The following SPAG16 variants were observed in gnomAD, a reference collection of about 807,000 sequenced individuals.
SPAG16 encodes sperm associated antigen 16, also known as sperm-associated antigen 16 protein.
Under a neutral mutation model 80.4 loss-of-function variants are expected in SPAG16, and 86 were observed. That is an observed-to-expected ratio of 1.07 (90% confidence interval 0.90 to 1.28). The LOEUF is 1.28. SPAG16 is among the 50% of genes most tolerant of loss of function. The pLI, the probability that SPAG16 is intolerant of heterozygous loss-of-function variation, is 0.00. For synonymous variants in SPAG16, 294 were observed against 265.9 expected (o/e 1.11, Z -1.03); for missense variants, 870 against 765.3 (o/e 1.14, Z -1.61).
intron 10 of SPAG16, among the ~76,000 whole-genome samples, chr2:213,578,525 G>A (rs1322940777): frequency 1.3e-5 from 2 of 152,034 alleles, no homozygotes; most frequent in South Asian, 2.1e-4. Flanking sequence ...TAAGCATCTC[G>A]TGAACAATAT....
intron 12 of SPAG16, among the ~76,000 whole-genome samples, chr2:213,947,605 T>C (rs2079532676): frequency 6.6e-6 from 1 of 152,124 alleles, no homozygotes; most frequent in African/African-American, 2.4e-5. Context: ...GTTTGTCCTT[T>C]AGGTCAAGGA....
chr2:214,109,262 G>A (rs2053551018), intron 14 of SPAG16, among the ~76,000 whole-genome samples: 1 of 152,132 alleles, frequency 6.6e-6, no homozygotes, highest in Admixed American at 6.6e-5. Flanking sequence ...CAGTTGCCAC[G>A]TGAATTAAGG....
chr2:213,913,707 G>T (rs1346265049), intron 11 of SPAG16, among the ~76,000 whole-genome samples: 2 of 151,412 alleles, frequency 1.3e-5, no homozygotes, highest in East Asian at 1.9e-4. Context: ...ATGTGTGTAT[G>T]CATATATATA....
At chr2:213,964,896 TTTAA>T (rs2044629342) in intron 12 of SPAG16, among the ~76,000 whole-genome samples, 1 of 151,764 alleles carries the variant, frequency 6.6e-6, no homozygotes, top group African/African-American at 2.4e-5. Flanking sequence ...CATACCTTTG[TTTAA>T]TTATTTAAGT....
At chr2:213,784,958 T>C (rs2070244741) in intron 10 of SPAG16, among the ~76,000 whole-genome samples, 1 of 152,182 alleles carries the variant, frequency 6.6e-6, no homozygotes, top group Non-Finnish European at 1.5e-5. Flanking sequence ...GATTAGTTCC[T>C]ATTCATCCTA....
intron 9 of SPAG16, among the ~76,000 whole-genome samples, chr2:213,414,694 T>C (rs2069157003): frequency 6.6e-6 from 1 of 152,254 alleles, no homozygotes; most frequent in African/African-American, 2.4e-5. Context: ...CTTTAATCAC[T>C]GTGCCTTCAA....
At chr2:213,748,432 C>T (rs2067931284) in intron 10 of SPAG16, among the ~76,000 whole-genome samples, 1 of 151,138 alleles carries the variant, frequency 6.6e-6, no homozygotes, top group African/African-American at 2.4e-5. Flanking sequence ...ATGTTCTTTT[C>T]CAAGTCTATA....
chr2:213,999,793 T>C (rs1412964824), intron 12 of SPAG16, among the ~76,000 whole-genome samples: 2 of 152,252 alleles, frequency 1.3e-5, no homozygotes, highest in African/African-American at 2.4e-5. Context: ...ATGTGAGACT[T>C]GGAGTCAAAG....
At chr2:214,258,716 A>ATCTT (rs949584199) in intron 15 of SPAG16, among the ~76,000 whole-genome samples, 20 of 151,748 alleles carry the variant, frequency 1.3e-4, no homozygotes, top group Admixed American at 1.3e-4. Flanking sequence ...TTATGTTTCA[A>ATCTT]TCTTTTAAGT....
At chr2:213,466,260 A>G (rs566986667) in intron 9 of SPAG16, among the ~76,000 whole-genome samples, 3 of 152,216 alleles carry the variant, frequency 2.0e-5, no homozygotes, top group Non-Finnish European at 2.9e-5. Context: ...CATCTATCCT[A>G]TTAGTTCTGT....
chr2:214,154,501 C>G (rs937030770), intron 15 of SPAG16, among the ~76,000 whole-genome samples: 12 of 74,374 alleles, frequency 1.6e-4, no homozygotes, highest in Admixed American at 7.0e-4. Context: ...GTATCAGACC[C>G]CCCCCCCCCA....
chr2:213,961,422 T>C (rs1024861307), intron 12 of SPAG16, among the ~76,000 whole-genome samples: 1 of 152,166 alleles, frequency 6.6e-6, no homozygotes. Flanking sequence ...AGCTAAAACA[T>C]GTAGTGCAAT....
chr2:213,482,754 T>C (rs1299408910), intron 9 of SPAG16, among the ~76,000 whole-genome samples: 1 of 152,118 alleles, frequency 6.6e-6, no homozygotes, highest in Non-Finnish European at 1.5e-5. Context: ...GATTAGAGTG[T>C]AGAATTATGT....
intron 15 of SPAG16, 116 bp downstream of exon 15, chr2:214,149,382 A>G: frequency 2.5e-6 from 2 of 806,632 alleles, no homozygotes; most frequent in Non-Finnish European, 3.4e-6. Flanking sequence ...TGTTCTTAAT[A>G]TTACATTATA....
chr2:214,401,011 G>T (rs1701677089), intron 15 of SPAG16, among the ~76,000 whole-genome samples: 1 of 151,964 alleles, frequency 6.6e-6, no homozygotes, highest in Non-Finnish European at 1.5e-5. Flanking sequence ...TTTTTAAATT[G>T]TTACTAGCAC....
intron 12 of SPAG16, among the ~76,000 whole-genome samples, chr2:213,964,062 T>C (rs1912502): frequency 8.9e-4 from 135 of 152,278 alleles, no homozygotes; most frequent in African/African-American, 3.2e-3. Flanking sequence ...CATTGATTGG[T>C]TGATAAAAAT....
chr2:214,114,589 G>T (rs1434137134), intron 14 of SPAG16, among the ~76,000 whole-genome samples: 1 of 152,200 alleles, frequency 6.6e-6, no homozygotes, highest in African/African-American at 2.4e-5. Flanking sequence ...GGCTCCATGA[G>T]CGTGGGACCC....
rs74485146 is a variant in SPAG16 at position 213,832,783 on chromosome 2, C to T, written c.1071-29702C>T. Among the ~76,000 whole-genome samples, 832 of 152,166 alleles carry T rather than the reference C, an allele frequency of 5.5e-3. 17 individuals carry two copies. Among genetic ancestry groups the T allele is most frequent in the East Asian group, 0.045 (232 of 5,170 alleles). On this transcript the variant is annotated intron_variant, in intron 10 of 15. Coordinates refer to ENST00000331683, the MANE Select transcript of SPAG16 (RefSeq NM_024532.5). ...TTAAAGATAGACAGTTTTCTTTGGG[C>T]CTTTGGATCTTCATTTCTGAAGGCC...
chr2:213,713,204 A>G (rs1308537990), intron 10 of SPAG16, among the ~76,000 whole-genome samples: 2 of 152,172 alleles, frequency 1.3e-5, no homozygotes, highest in African/African-American at 4.8e-5. Context: ...TTCAGATTAC[A>G]ATTCAAGATG....
Sources: gnomAD v4.1 joint callset for allele counts (sites outside exome capture counted in the v4.1 genomes callset) on GRCh38, gnomAD v4.1.1 for gene constraint, MANE v1.5 for transcripts, NCBI Gene and HGNC (gene_info 2026-07-23, HGNC 2026-07-21) for gene names.